Variants in NOVA1 observed in about 807,000 individuals in gnomAD.
The protein encoded by NOVA1 is NOVA alternative splicing regulator 1.
NOVA1 carries 7 observed loss-of-function variants against 38.0 expected under a neutral mutation model. The observed-to-expected ratio is 0.18, with a 90% CI of 0.10 to 0.35. NOVA1 has a LOEUF of 0.35. NOVA1 is among the 10% of genes least tolerant of loss of function. NOVA1 has a pLI of 1.00. For synonymous variants in NOVA1, 270 were observed against 232.5 expected (o/e 1.16, Z -1.47); for missense variants, 460 against 616.0 (o/e 0.75, Z 2.68).
At chr14:26,510,380 C>A (rs1887978504) in intron 2 of NOVA1, among the ~76,000 whole-genome samples, 1 of 151,922 alleles carries the variant, frequency 6.6e-6, no homozygotes, top group Admixed American at 6.6e-5. Context: ...ACATAATGTC[C>A]TGGGTACAAA....
intron 2 of NOVA1, among the ~76,000 whole-genome samples, chr14:26,586,582 A>G (rs534922428): frequency 6.8e-4 from 103 of 151,336 alleles, no homozygotes; most frequent in Middle Eastern, 6.8e-3. Context: ...TACTTTTTTA[A>G]TAAGTCAATA....
chr14:26,518,209 C>T (rs1046542693), intron 2 of NOVA1, among the ~76,000 whole-genome samples: 4 of 151,978 alleles, frequency 2.6e-5, no homozygotes, highest in Non-Finnish European at 5.9e-5. Context: ...AAATTGCTTA[C>T]TCTACTTCTG....
At chr14:26,586,024 T>C (rs994851151) in intron 2 of NOVA1, among the ~76,000 whole-genome samples, 3 of 151,396 alleles carry the variant, frequency 2.0e-5, no homozygotes, top group Non-Finnish European at 4.4e-5. Context: ...TACATTCATT[T>C]AAATTTCCAG....
chr14:26,597,165 G>A, intron 1 of NOVA1, 136 bp downstream of exon 1: 1 of 1,193,788 alleles, frequency 8.4e-7, no homozygotes, highest in Non-Finnish European at 1.0e-6. Context: ...AGGGGCGCAG[G>A]GGCCGCCGGG....
At chr14:26,519,027 A>C (rs1438167738) in intron 2 of NOVA1, among the ~76,000 whole-genome samples, 2 of 152,094 alleles carry the variant, frequency 1.3e-5, no homozygotes, top group Non-Finnish European at 2.9e-5. Context: ...CTTTATCAAA[A>C]TTTTGTACTG....
intron 2 of NOVA1, among the ~76,000 whole-genome samples, chr14:26,550,352 A>G (rs189269227): frequency 1.3e-5 from 2 of 152,330 alleles, no homozygotes; most frequent in African/African-American, 4.8e-5. Context: ...TATTTGAAAA[A>G]GAATTTTTTG....
At chr14:26,465,375 T>C (rs978755994) in intron 4 of NOVA1, among the ~76,000 whole-genome samples, 1 of 152,134 alleles carries the variant, frequency 6.6e-6, no homozygotes, top group Non-Finnish European at 1.5e-5. Flanking sequence ...TTCACCATGT[T>C]GGCCAGGCTG....
At chr14:26,452,896 G>T (rs1040611277) in intron 4 of NOVA1, among the ~76,000 whole-genome samples, 1 of 152,196 alleles carries the variant, frequency 6.6e-6, no homozygotes, top group African/African-American at 2.4e-5. Context: ...AGAGGTTATA[G>T]ATAGTTGTAG....
chr14:26,476,680 C>CTGTA (rs1885010182), intron 3 of NOVA1, among the ~76,000 whole-genome samples: 2 of 150,700 alleles, frequency 1.3e-5, no homozygotes, highest in Non-Finnish European at 3.0e-5. Flanking sequence ...TCACTCTGAC[C>CTGTA]TGTATTTCTT....
chr14:26,519,856 C>T (rs921363206), intron 2 of NOVA1, among the ~76,000 whole-genome samples: 1 of 151,822 alleles, frequency 6.6e-6, no homozygotes, highest in Admixed American at 6.6e-5. Context: ...ATTTATATTC[C>T]TATCAGTGTG....
intron 2 of NOVA1, among the ~76,000 whole-genome samples, chr14:26,542,307 T>G (rs1890513099): frequency 6.6e-6 from 1 of 151,934 alleles, no homozygotes; most frequent in South Asian, 2.1e-4. Flanking sequence ...TAAATAGAGG[T>G]AATTTTTCAA....
intron 2 of NOVA1, among the ~76,000 whole-genome samples, chr14:26,545,532 C>G (rs1424393427): frequency 6.6e-6 from 1 of 152,074 alleles, no homozygotes; most frequent in Non-Finnish European, 1.5e-5. Flanking sequence ...AGAACACACA[C>G]CATGACACAG....
At chr14:26,516,629 C>T (rs1266267646) in intron 2 of NOVA1, among the ~76,000 whole-genome samples, 1 of 152,140 alleles carries the variant, frequency 6.6e-6, no homozygotes, top group Non-Finnish European at 1.5e-5. Context: ...TTCACAACTA[C>T]AGTATAAGGT....
At chr14:26,547,606 G>A (rs1890867728) in intron 2 of NOVA1, among the ~76,000 whole-genome samples, 1 of 151,860 alleles carries the variant, frequency 6.6e-6, no homozygotes, top group African/African-American at 2.4e-5. Flanking sequence ...ACACAAAGCA[G>A]GTATAGTTTG....
intron 2 of NOVA1, among the ~76,000 whole-genome samples, chr14:26,553,693 G>T (rs1891304183): frequency 6.6e-6 from 1 of 152,160 alleles, no homozygotes; most frequent in African/African-American, 2.4e-5. Context: ...CAAGCAGCCA[G>T]AGGCTATGAA....
chr14:26,498,791 T>C (rs1437759759), intron 2 of NOVA1, among the ~76,000 whole-genome samples: 2 of 152,212 alleles, frequency 1.3e-5, no homozygotes, highest in Non-Finnish European at 2.9e-5. Flanking sequence ...TTTTCTTTGA[T>C]TGATTGGAAA....
At chr14:26,510,363 T>A (rs537679967) in intron 2 of NOVA1, among the ~76,000 whole-genome samples, 1 of 152,120 alleles carries the variant, frequency 6.6e-6, no homozygotes, top group Non-Finnish European at 1.5e-5. Context: ...CTATCTATTG[T>A]TTCCAAACAT....
At chr14:26,514,207 G>A (rs923231429) in intron 2 of NOVA1, among the ~76,000 whole-genome samples, 1 of 151,334 alleles carries the variant, frequency 6.6e-6, no homozygotes, top group African/African-American at 2.4e-5. Flanking sequence ...GTAAGTATAG[G>A]CACAATATAT....
chr14:26,479,618 G>T, intron 3 of NOVA1: 1 of 235,390 alleles, frequency 4.2e-6, no homozygotes, highest in Non-Finnish European at 8.1e-6. Context: ...TAGGGTATTG[G>T]AAATTTTGAA....
Sources: gnomAD v4.1 joint callset for allele counts (sites outside exome capture counted in the v4.1 genomes callset) on GRCh38, gnomAD v4.1.1 for gene constraint, MANE v1.5 for transcripts, NCBI Gene and HGNC (gene_info 2026-07-23, HGNC 2026-07-21) for gene names.